NFIL3: variants seen among roughly 807,000 people sequenced by gnomAD.
The protein encoded by NFIL3 is nuclear factor, interleukin 3 regulated.
In NFIL3, 5 loss-of-function variants were observed where a neutral mutation model predicts 10.0. The ratio of observed to expected loss-of-function variants is 0.50; its 90% CI spans 0.26 to 1.06. NFIL3 has a LOEUF of 1.06. Among genes scored for constraint, NFIL3 ranks in the 50% least tolerant of loss-of-function variants. The pLI, the probability that NFIL3 is intolerant of heterozygous loss-of-function variation, is 0.13. For synonymous variants in NFIL3, 202 were observed against 206.5 expected (o/e 0.98, Z 0.19); for missense variants, 436 against 547.6 (o/e 0.80, Z 2.03).
At chr9:91,423,288 C>T (rs1468364949) in intron 1 of NFIL3, among the ~76,000 whole-genome samples, 1 of 152,172 alleles carries the variant, frequency 6.6e-6, no homozygotes, top group Non-Finnish European at 1.5e-5. Flanking sequence ...TCTTCCCGCT[C>T]GGAGAGGGCT....
intron 1 of NFIL3, among the ~76,000 whole-genome samples, chr9:91,420,506 G>A (rs1009027182): frequency 4.6e-5 from 7 of 152,138 alleles, no homozygotes; most frequent in African/African-American, 1.7e-4. Context: ...AATCAGGACA[G>A]TGTTGGAAGA....
At chr9:91,465,029 T>C in the NFIL3 span, among the ~76,000 whole-genome samples, 2 of 152,118 alleles carry the variant, frequency 1.3e-5, no homozygotes, top group Admixed American at 1.3e-4. Context: ...TACTCCTATT[T>C]GTCTTTGGTT....
chr9:91,464,644 C>G, the NFIL3 span, among the ~76,000 whole-genome samples: 2 of 152,078 alleles, frequency 1.3e-5, no homozygotes, highest in Non-Finnish European at 1.5e-5. Flanking sequence ...AGATTTTGAC[C>G]TATGTTATTT....
the NFIL3 span, among the ~76,000 whole-genome samples, chr9:91,475,819 T>C: frequency 1.3e-5 from 2 of 152,250 alleles, no homozygotes; most frequent in African/African-American, 4.8e-5. Flanking sequence ...ATAGATTAAA[T>C]GAATTTTCCA....
chr9:91,436,976 G>C, the NFIL3 span, among the ~76,000 whole-genome samples: 34 of 152,308 alleles, frequency 2.2e-4, no homozygotes, highest in African/African-American at 7.9e-4. Flanking sequence ...AAACTGTTCC[G>C]TGTCGAATCA....
In NFIL3 at chr9:91,410,892, G is replaced by A; in HGVS notation, c.-158C>T. 1.5e-6 allele frequency: 1 copy of A among 668,826 alleles called. No homozygotes were observed. Among genetic ancestry groups the A allele is most frequent in the South Asian group, 2.8e-5 (1 of 35,658 alleles). The allele number at this position is 668,826 out of a possible 1,614,324, so 41.4% of individuals were successfully genotyped here. On this transcript the variant is annotated 5_prime_UTR_variant, in exon 2 of 2. Transcript: ENST00000297689. The surrounding 1 kb of genome is among the most constrained non-coding windows in gnomAD (Gnocchi z 5.7). ...TCAGGCTCCTTATTGAATGAAGTTG[G>A]GCCTCCTTCGTTATCTGCAATACAT...
At chr9:91,425,618 T>G (rs2118065385), upstream of NFIL3, among the ~76,000 whole-genome samples, 1 of 152,296 alleles carries the variant, frequency 6.6e-6, no homozygotes, top group East Asian at 1.9e-4. Context: ...AAATCCTGAT[T>G]TTAGTTTATA....
the NFIL3 span, among the ~76,000 whole-genome samples, chr9:91,470,729 T>TCAAAGACA: frequency 6.6e-6 from 1 of 152,228 alleles, no homozygotes; most frequent in Non-Finnish European, 1.5e-5. Flanking sequence ...GTCTTTGTTC[T>TCAAAGACA]CATTGGTTTC....
the NFIL3 span, among the ~76,000 whole-genome samples, chr9:91,435,664 A>G: frequency 0.025 from 3,829 of 152,298 alleles, 190 homozygotes; most frequent in African/African-American, 0.088. Context: ...AGTGAGGACT[A>G]TGATTTTGCC....
the NFIL3 span, among the ~76,000 whole-genome samples, chr9:91,455,103 G>A: frequency 6.6e-6 from 1 of 152,178 alleles, no homozygotes; most frequent in Admixed American, 6.5e-5. Flanking sequence ...ATACGAATAT[G>A]AGGGTGATGT....
the NFIL3 span, among the ~76,000 whole-genome samples, chr9:91,465,133 G>A: frequency 6.6e-6 from 1 of 152,042 alleles, no homozygotes; most frequent in Admixed American, 6.5e-5. Context: ...TTTGGTGTCT[G>A]TCATTACTTT....
chr9:91,430,591 C>T, the NFIL3 span, among the ~76,000 whole-genome samples: 1 of 152,132 alleles, frequency 6.6e-6, no homozygotes, highest in Non-Finnish European at 1.5e-5. Context: ...TCCATTGAAG[C>T]AGAGGCAGAA....
chr9:91,409,413 G>A lies in NFIL3; in HGVS notation c.1322C>T (p.Ser441Phe), dbSNP rs1420489934. 1 of 1,613,128 alleles carries A rather than the reference G, an allele frequency of 6.2e-7. No homozygotes were observed. The highest frequency in any genetic ancestry group is 1.3e-5 in the African/African-American group (1 of 74,864). ...TCTCTTGAGTGAGACAACCTCTGCA[G>A]ATAAGTTTGCTATCCCCTGCTTCAA... ...LYLKQGIANL[S>F]AEVVSLKRLI... The change falls in exon 2 of 2, where the codon TCT becomes TTT. Residue 441 changes from serine to phenylalanine, a missense_variant. Physicochemically the swap from Ser to Phe is radical, Grantham distance 155. This residue lies in a region of NFIL3 where 338 missense variants were observed against 399.9 expected (regional missense o/e 0.85). Transcript: ENST00000297689.
In NFIL3 at chr9:91,410,263, T is replaced by G; in HGVS notation, c.472A>C (p.Asn158His). 3 of 1,614,230 alleles carry G rather than the reference T, an allele frequency of 1.9e-6. No homozygotes were observed. In the South Asian group the frequency reaches 3.3e-5, roughly 18 times the overall value. ...TGCTCGTCCACAAATGAACTCACAT[T>G]GGATTTGGAAGTCTGGTAATCTTGA... ...YFQDYQTSKS[N>H]VSSFVDEHEP... The change falls in exon 2 of 2, where the codon AAT becomes CAT. Residue 158 changes from asparagine (N) to histidine (H), a missense_variant. Asn to His is a moderately conservative substitution (Grantham distance 68). This residue lies in a region of NFIL3 where 338 missense variants were observed against 399.9 expected (regional missense o/e 0.85). Coordinates refer to ENST00000297689, the MANE Select transcript of NFIL3 (RefSeq NM_005384.3). This position sits in a 1 kb window ranked among gnomAD's most constrained non-coding sequence, Gnocchi z 5.7.
In NFIL3 at chr9:91,409,335, T is replaced by A. The variant is rs371940083; in HGVS notation, c.*11A>T. On this transcript the variant is annotated 3_prime_UTR_variant, in exon 2 of 2. Transcript: ENST00000297689. ...ATCTTTCTAAATGCCCAGCTCTTAC[T>A]CAGTAGTAATTTACCCAGAGTCTGA... 3.9e-6 allele frequency: 6 copies of A among 1,539,786 alleles called. No individual in the cohort carries two copies. The highest frequency in any genetic ancestry group is 5.2e-6 in the Non-Finnish European group (6 of 1,146,584).
the NFIL3 span, among the ~76,000 whole-genome samples, chr9:91,465,187 C>A: frequency 6.6e-6 from 1 of 152,100 alleles, no homozygotes; most frequent in Non-Finnish European, 1.5e-5. Context: ...TTCTTCTTCT[C>A]TGTACCTTTT....
chr9:91,461,972 G>A, the NFIL3 span, among the ~76,000 whole-genome samples: 16 of 152,124 alleles, frequency 1.1e-4, no homozygotes, highest in African/African-American at 3.6e-4. Context: ...GCTTAATAAC[G>A]TGGATTTGGA....
intron 1 of NFIL3, among the ~76,000 whole-genome samples, chr9:91,418,399 A>C (rs1833698792): frequency 1.3e-5 from 2 of 152,264 alleles, no homozygotes; most frequent in Admixed American, 1.3e-4. Flanking sequence ...CCCAATGAAT[A>C]AGTAATACAT....
At chr9:91,461,284 A>G in the NFIL3 span, among the ~76,000 whole-genome samples, 2 of 152,224 alleles carry the variant, frequency 1.3e-5, no homozygotes, top group Non-Finnish European at 2.9e-5. Flanking sequence ...AACTTAACCT[A>G]GTTTGACTTC....
Sources: gnomAD v4.1 joint callset for allele counts (sites outside exome capture counted in the v4.1 genomes callset) on GRCh38, gnomAD v4.1.1 for gene constraint, gnomAD v4.1.1 regional missense constraint, Gnocchi (gnomAD v3.1) non-coding constraint, MANE v1.5 for transcripts, NCBI Gene and HGNC (gene_info 2026-07-23, HGNC 2026-07-21) for gene names.